SDK1: variants seen among roughly 807,000 people sequenced by gnomAD.
SDK1 encodes protein sidekick-1.
In SDK1, 157 loss-of-function variants were observed where a neutral mutation model predicts 245.5. The ratio of observed to expected loss-of-function variants is 0.64; its 90% confidence interval spans 0.56 to 0.73. SDK1 has a LOEUF of 0.73. Among genes scored for constraint, SDK1 ranks in the 30% least tolerant of loss-of-function variants. The pLI, the probability that SDK1 is intolerant of heterozygous loss-of-function variation, is 0.00. For synonymous variants in SDK1, 1,647 were observed against 1,278.5 expected (o/e 1.29, Z -6.15); for missense variants, 3,583 against 3,002.3 (o/e 1.19, Z -4.52).
chr7:3,991,075 C>G (rs564174319), intron 14 of SDK1, among the ~76,000 whole-genome samples: 1 of 152,364 alleles, frequency 6.6e-6, no homozygotes, highest in East Asian at 1.9e-4. Flanking sequence ...ATCGATGCAG[C>G]CTCCACGTCG....
At chr7:4,079,354 G>A (rs1780910735) in intron 21 of SDK1, 109 bp from the exon 22 acceptor site, 4 of 1,312,786 alleles carry the variant, frequency 3.0e-6, no homozygotes, top group Non-Finnish European at 4.3e-6. Context: ...TCCTTTTTTG[G>A]TATAGAATCG....
chr7:3,817,317 T>G (rs1358240548), intron 4 of SDK1, among the ~76,000 whole-genome samples: 1 of 152,172 alleles, frequency 6.6e-6, no homozygotes, highest in East Asian at 1.9e-4. Context: ...TCTTACAGCT[T>G]GTAAGTACAC....
rs1450685731 is a variant in SDK1, at chr7:4,174,249, C to G, written c.4828C>G (p.Leu1610Val). The change falls in exon 33 of 45, where the codon CTT becomes GTT. Residue 1610 changes from leucine (L) to valine (V), a missense_variant. Transcript: ENST00000404826. ...TCCGAGGGACGAAAGCCTGAATGGC[C>G]TTCTTCAGGGATACAGGATCTACTA... ...QPPRDESLNG[L>V]LQGYRIYYRE... 6.2e-7 allele frequency: 1 copy of G among 1,614,000 alleles called. No individual in the cohort carries two copies. The highest frequency in any genetic ancestry group is 1.1e-5 in the South Asian group (1 of 91,066).
Position 4,201,335 on chromosome 7 carries a change from G to T in SDK1, c.5099-4544G>T, listed in dbSNP as rs1211141112. Among the ~76,000 whole-genome samples, 12 of 152,286 alleles carry T rather than the reference G, an allele frequency of 7.9e-5. No homozygotes were observed. The East Asian group carries it at 2.1e-3, about 27-fold the overall frequency. ...GCTCAGGGGAGCAGATTGCGAGCAA[G>T]ATTTGCCAAGAAGGTAAATGAGATC... is the stretch of plus-strand genomic sequence containing the variant. On this transcript the variant is annotated intron_variant, in intron 35 of 44. Coordinates refer to ENST00000404826, the MANE Select transcript of SDK1 (RefSeq NM_152744.4).
intron 4 of SDK1, among the ~76,000 whole-genome samples, chr7:3,726,455 C>T (rs1447813660): frequency 6.6e-6 from 1 of 152,212 alleles, no homozygotes; most frequent in Non-Finnish European, 1.5e-5. Context: ...TGAGGCCCAA[C>T]TCTCACCCTT....
intron 4 of SDK1, among the ~76,000 whole-genome samples, chr7:3,781,954 G>A (rs1780758661): frequency 6.6e-6 from 1 of 152,162 alleles, no homozygotes; most frequent in Non-Finnish European, 1.5e-5. Flanking sequence ...TGTATAATGT[G>A]AATTAAGGAC....
chr7:4,199,080 G>C (rs187493951), intron 35 of SDK1, among the ~76,000 whole-genome samples: 57 of 152,306 alleles, frequency 3.7e-4, no homozygotes, highest in African/African-American at 1.2e-3. Flanking sequence ...CTCCCAAAGT[G>C]CTGGGATTAC....
At chr7:3,401,524 TG>T (rs1213547698) in intron 1 of SDK1, among the ~76,000 whole-genome samples, 1 of 152,116 alleles carries the variant, frequency 6.6e-6, no homozygotes, top group African/African-American at 2.4e-5. Flanking sequence ...TATGGTTTGC[TG>T]GGGGAAAATA....
At chr7:3,381,507 A>G (rs1298746537) in intron 1 of SDK1, among the ~76,000 whole-genome samples, 1 of 151,706 alleles carries the variant, frequency 6.6e-6, no homozygotes, top group Non-Finnish European at 1.5e-5. Context: ...GGGAAGGGGG[A>G]GTGACCTGAG....
intron 4 of SDK1, among the ~76,000 whole-genome samples, chr7:3,817,414 T>C (rs1779536911): frequency 1.3e-5 from 2 of 152,206 alleles, no homozygotes; most frequent in South Asian, 2.1e-4. Flanking sequence ...GGATTTCCAA[T>C]AGTTGCTGAT....
In SDK1 at chr7:3,545,610, A is replaced by G. The variant is rs1429567853; in HGVS notation, c.299-73470A>G. 2.0e-5 allele frequency among the ~76,000 whole-genome samples: 3 copies of G among 152,204 alleles called. No individual in the cohort carries two copies. In the East Asian group the frequency reaches 5.8e-4, roughly 29 times the overall value. On this transcript the variant is annotated intron_variant, in intron 1 of 44. Coordinates refer to ENST00000404826, the MANE Select transcript of SDK1 (RefSeq NM_152744.4). ...TTTACAGGCACTAAGTGAATATTAC[A>G]TGATTGAAATGAAACCACCTGGCAA...
At chr7:3,363,140 C>G (rs1384062536) in intron 1 of SDK1, among the ~76,000 whole-genome samples, 1 of 152,162 alleles carries the variant, frequency 6.6e-6, no homozygotes, top group Non-Finnish European at 1.5e-5. Flanking sequence ...CCTCTCCTAT[C>G]TCCTTCCACA....
At position 4,233,435 on chromosome 7, in the gene SDK1, G is replaced by A. The variant is rs1318518946; in HGVS notation, c.5992+16G>A. 1.9e-6 allele frequency: 3 copies of A among 1,608,290 alleles called. No individual in the cohort carries two copies. The highest frequency in any genetic ancestry group is 2.5e-6 in the Non-Finnish European group (3 of 1,178,826). On this transcript the variant is annotated intron_variant, in intron 41 of 44. Transcript: ENST00000404826. ...GCTGTGTCAGGTAGGCCCTCCCAGG[G>A]AGGTCTGTCTTCTTCTGGAGGACTA...
intron 5 of SDK1, among the ~76,000 whole-genome samples, chr7:3,869,100 C>A (rs10277254): frequency 0.055 from 8,137 of 149,010 alleles, 697 homozygotes; most frequent in African/African-American, 0.18. Flanking sequence ...TTTTTTCCCC[C>A]AAAAAAGAGG....
chr7:4,137,665 A>G (rs1263868005), intron 28 of SDK1, among the ~76,000 whole-genome samples: 2 of 152,182 alleles, frequency 1.3e-5, no homozygotes, highest in South Asian at 2.1e-4. Flanking sequence ...TAATTCACCC[A>G]TACCCTTAAA....
At chr7:3,981,405 A>G (rs2128136926) in intron 13 of SDK1, among the ~76,000 whole-genome samples, 1 of 152,282 alleles carries the variant, frequency 6.6e-6, no homozygotes, top group South Asian at 2.1e-4. Flanking sequence ...TAACCCTGCA[A>G]AGGCCTCTGA....
intron 5 of SDK1, among the ~76,000 whole-genome samples, chr7:3,921,271 TTTA>T (rs1175636914): frequency 8.5e-5 from 13 of 152,236 alleles, no homozygotes; most frequent in Admixed American, 3.3e-4. Context: ...TACTTCATAT[TTTA>T]TTATTTCTGT....
intron 14 of SDK1, among the ~76,000 whole-genome samples, chr7:3,995,526 G>A (rs1784636230): frequency 6.6e-6 from 1 of 152,172 alleles, no homozygotes; most frequent in African/African-American, 2.4e-5. Context: ...ATCAACCAAT[G>A]GGCAAACAGC....
intron 1 of SDK1, among the ~76,000 whole-genome samples, chr7:3,507,348 T>A (rs1782426151): frequency 6.6e-6 from 1 of 152,190 alleles, no homozygotes; most frequent in African/African-American, 2.4e-5. Context: ...TCCTTCTGTT[T>A]TTGTATTCTC....
Sources: gnomAD v4.1 joint callset for allele counts (sites outside exome capture counted in the v4.1 genomes callset) on GRCh38, gnomAD v4.1.1 for gene constraint, MANE v1.5 for transcripts, NCBI Gene and HGNC (gene_info 2026-07-23, HGNC 2026-07-21) for gene names.